The following ATP6V1C2 variants were observed in gnomAD, a reference collection of about 807,000 sequenced individuals.
The protein encoded by ATP6V1C2 is V-type proton ATPase subunit C 2.
A neutral mutation model predicts 56.8 loss-of-function variants in ATP6V1C2; 45 were observed. The ratio of observed to expected loss-of-function variants is 0.79; its 90% confidence interval spans 0.62 to 1.02. The LOEUF (loss-of-function observed/expected upper bound fraction) is 1.02, where lower values mean the gene tolerates loss of function less well. Among genes scored for constraint, ATP6V1C2 ranks in the 50% least tolerant of loss-of-function variants. The probability of loss-of-function intolerance (pLI) is 0.00; values close to 1 mark genes in which losing one functional copy is unlikely to be tolerated. For synonymous variants in ATP6V1C2, 220 were observed against 201.3 expected (o/e 1.09, Z -0.79); for missense variants, 463 against 519.7 (o/e 0.89, Z 1.06).
At chr2:10,768,362 C>G (rs1251366167) in intron 5 of ATP6V1C2, among the ~76,000 whole-genome samples, 1 of 152,224 alleles carries the variant, frequency 6.6e-6, no homozygotes, top group Non-Finnish European at 1.5e-5. Context: ...TTGAGAGGGC[C>G]AGGCCATGTC....
intron 5 of ATP6V1C2, among the ~76,000 whole-genome samples, chr2:10,765,432 G>T (rs1664163480): frequency 6.6e-6 from 1 of 152,246 alleles, no homozygotes; most frequent in South Asian, 2.1e-4. Context: ...GGCTGTGGGA[G>T]AGTCTCGGCC....
intron 3 of ATP6V1C2, among the ~76,000 whole-genome samples, chr2:10,739,433 A>AT (rs754074980): frequency 3.3e-5 from 5 of 151,382 alleles, no homozygotes; most frequent in Non-Finnish European, 5.9e-5. Context: ...AGACTTCCTG[A>AT]CCCCTAGCTA....
At position 10,784,114 on chromosome 2, in the gene ATP6V1C2, G is replaced by T; in HGVS notation, c.*851G>T. 1 of 507,954 alleles carries T rather than the reference G, an allele frequency of 2.0e-6. No individual in the cohort carries two copies. Among genetic ancestry groups the T allele is most frequent in the Non-Finnish European group, 3.5e-6 (1 of 289,850 alleles). 31.5% of individuals were successfully genotyped at this position (507,954 alleles called of 1,614,324 possible). A position where few individuals can be genotyped will look rare whatever the true frequency, so the allele number is the denominator to read the frequency against. ...AGATGCAAAAGTTCACTGTTGCAGTGTTTTCAAATGACCAATCAAGTACTA... is the reference window on the plus strand; with the variant it reads ...AGATGCAAAAGTTCACTGTTGCAGTTTTTTCAAATGACCAATCAAGTACTA... On this transcript the variant is annotated 3_prime_UTR_variant, in exon 14 of 14. Transcript: ENST00000272238.
chr2:10,768,639 G>A, intron 5 of ATP6V1C2, 80 bp from the exon 6 acceptor site: 2 of 1,096,890 alleles, frequency 1.8e-6, no homozygotes, highest in Non-Finnish European at 1.4e-6. Context: ...AGCACCATGA[G>A]CTGTTGTGGC....
intron 10 of ATP6V1C2, among the ~76,000 whole-genome samples, chr2:10,776,537 TC>T (rs1032027171): frequency 6.6e-6 from 1 of 152,170 alleles, no homozygotes; most frequent in African/African-American, 2.4e-5. Context: ...AGTGTTTTCT[TC>T]CTTAGGCTCA....
At chr2:10,764,232 C>G in intron 4 of ATP6V1C2, 99 bp from the exon 5 acceptor site, 1 of 1,083,100 alleles carries the variant, frequency 9.2e-7, no homozygotes, top group Non-Finnish European at 1.4e-6. Context: ...ATGATGGCTG[C>G]CTTCGTGTCC....
chr2:10,771,742 G>A, intron 6 of ATP6V1C2, 97 bp from the exon 7 acceptor site: 3 of 909,244 alleles, frequency 3.3e-6, no homozygotes, highest in African/African-American at 1.6e-5. Flanking sequence ...ACCCTTCCTT[G>A]AGAACTGCCC....
chr2:10,749,100 C>T (rs887658277), intron 3 of ATP6V1C2, among the ~76,000 whole-genome samples: 3 of 147,230 alleles, frequency 2.0e-5, no homozygotes, highest in Admixed American at 6.9e-5. Context: ...ATTGTATTCC[C>T]GCCTGGACAA....
At chr2:10,749,714 A>G (rs1663107378) in intron 3 of ATP6V1C2, among the ~76,000 whole-genome samples, 1 of 152,216 alleles carries the variant, frequency 6.6e-6, no homozygotes, top group Non-Finnish European at 1.5e-5. Context: ...TTCTTTTTAA[A>G]TGCACTTTTC....
upstream of ATP6V1C2, among the ~76,000 whole-genome samples, chr2:10,721,249 C>A (rs1038005927): frequency 4.6e-5 from 7 of 152,122 alleles, no homozygotes; most frequent in African/African-American, 1.4e-4. Context: ...GCGCATGTCT[C>A]TGTGAGGCGA....
intron 4 of ATP6V1C2, among the ~76,000 whole-genome samples, chr2:10,755,888 C>A (rs928870403): frequency 1.3e-5 from 2 of 152,170 alleles, no homozygotes; most frequent in African/African-American, 4.8e-5. Flanking sequence ...ATGGGACGAA[C>A]CTTTAGATTC....
intron 3 of ATP6V1C2, among the ~76,000 whole-genome samples, chr2:10,750,500 G>T (rs1663146767): frequency 6.7e-6 from 1 of 149,712 alleles, no homozygotes. Flanking sequence ...TGGGCGACAG[G>T]GTGAGACCCT....
chr2:10,772,146 T>G (rs565625572), intron 7 of ATP6V1C2, among the ~76,000 whole-genome samples: 51 of 152,302 alleles, frequency 3.3e-4, no homozygotes, highest in Middle Eastern at 3.4e-3. Context: ...GAAGCAGCCA[T>G]TTATTGAGCA....
At chr2:10,743,109 T>C (rs1462962514) in intron 3 of ATP6V1C2, among the ~76,000 whole-genome samples, 1 of 152,152 alleles carries the variant, frequency 6.6e-6, no homozygotes, top group African/African-American at 2.4e-5. Context: ...TCTATTTGAA[T>C]TACCATGATT....
chr2:10,743,504 T>C (rs557970374), intron 3 of ATP6V1C2, among the ~76,000 whole-genome samples: 2 of 152,048 alleles, frequency 1.3e-5, no homozygotes, highest in Non-Finnish European at 2.9e-5. Context: ...TTACAAACCA[T>C]TCTGCCACAA....
chr2:10,771,590 C>T (rs183523865), intron 6 of ATP6V1C2, among the ~76,000 whole-genome samples: 17 of 152,276 alleles, frequency 1.1e-4, no homozygotes, highest in East Asian at 5.8e-4. Context: ...TGATAGCACC[C>T]GAGGCCCTGC....
At chr2:10,746,586 T>C (rs1662929327) in intron 3 of ATP6V1C2, among the ~76,000 whole-genome samples, 1 of 152,078 alleles carries the variant, frequency 6.6e-6, no homozygotes, top group Admixed American at 6.6e-5. Context: ...CTAGTTTCTG[T>C]ATTTTTAGTG....
chr2:10,742,356 G>A (rs765176227), intron 3 of ATP6V1C2, among the ~76,000 whole-genome samples: 5 of 152,194 alleles, frequency 3.3e-5, no homozygotes, highest in African/African-American at 7.2e-5. Context: ...ACTCCTCAGC[G>A]GGAGAGCTGG....
At chr2:10,729,510 T>C (rs1291959675) in intron 3 of ATP6V1C2, among the ~76,000 whole-genome samples, 3 of 152,208 alleles carry the variant, frequency 2.0e-5, no homozygotes, top group Non-Finnish European at 4.4e-5. Flanking sequence ...TTACAGTGTG[T>C]ACATCTAATT....
Sources: allele counts gnomAD v4.1 joint callset (sites outside exome capture counted in the v4.1 genomes callset), GRCh38; gene constraint gnomAD v4.1.1; transcripts MANE v1.5; gene names NCBI Gene and HGNC (gene_info 2026-07-23, HGNC 2026-07-21).